Variants in RPGRIP1L observed in about 807,000 individuals in gnomAD.
RPGRIP1L encodes the protein RPGRIP1 like.
A neutral mutation model predicts 160.4 loss-of-function variants in RPGRIP1L; 131 were observed. That is an observed-to-expected ratio of 0.82 (90% CI 0.71 to 0.94). The LOEUF (loss-of-function observed/expected upper bound fraction) is 0.94, where lower values mean the gene tolerates loss of function less well. Ranked by LOEUF, RPGRIP1L falls within the 40% of genes least tolerant of loss-of-function variation. The pLI, the probability that RPGRIP1L is intolerant of heterozygous loss-of-function variation, is 0.00. For synonymous variants in RPGRIP1L, 510 were observed against 515.8 expected, an observed-to-expected ratio of 0.99 and a Z score of 0.15; for missense variants, 1,522 against 1,535.8, an observed-to-expected ratio of 0.99 and a Z score of 0.15.
At position 53,672,880 on chromosome 16, in the gene RPGRIP1L, C is replaced by T. The variant is rs1423601175; in HGVS notation, c.1019G>A (p.Arg340Lys). Residue 340 changes from arginine to lysine, a missense_variant, in exon 8 of 27, where the codon AGA becomes AAA. Coordinates refer to ENST00000647211, the MANE Select transcript of RPGRIP1L (RefSeq NM_015272.5). ...QLHSMKFSER[R>K]IEELQDRIND... is the part of the protein sequence containing the mutation. ...TCTTTGGGAGCTTACCTCTTCTATT[C>T]TTCTTTCAGAAAACTTCATAGAATG... 1 of 1,612,642 alleles carries T rather than the reference C, an allele frequency of 6.2e-7. No homozygotes were observed. The highest frequency in any genetic ancestry group is 2.2e-5 in the East Asian group (1 of 44,798).
Position 53,648,029 on chromosome 16 carries a change from G to A in RPGRIP1L, c.2304+935C>T, listed in dbSNP as rs542136203. Among the ~76,000 whole-genome samples the A allele has an allele frequency of 2.0e-3, 306 of 150,970 alleles. 2 individuals are homozygous for A. Among genetic ancestry groups the A allele is most frequent in the African/African-American group, 6.9e-3 (285 of 41,064 alleles). ...CTGAGGCAGGAGAATGCATGAACCC[G>A]GGAGGCGGAGCTTGCAGTGAGCAGA... On this transcript the variant is annotated intron_variant, in intron 16 of 26. Coordinates refer to ENST00000647211, the MANE Select transcript of RPGRIP1L (RefSeq NM_015272.5).
chr16:53,611,561 G>A (rs1263283209), intron 24 of RPGRIP1L, among the ~76,000 whole-genome samples: 1 of 152,236 alleles, frequency 6.6e-6, no homozygotes, highest in African/African-American at 2.4e-5. Context: ...CTGGGGAGGG[G>A]TATGGGAGAG....
At chr16:53,687,400 T>C (rs934484439) in intron 5 of RPGRIP1L, among the ~76,000 whole-genome samples, 1 of 152,124 alleles carries the variant, frequency 6.6e-6, no homozygotes, top group Non-Finnish European at 1.5e-5. Context: ...TGATGAAGAA[T>C]GCAGTGCCAT....
At chr16:53,603,674 A>ATGTGTGTGTGTGTGTGTGTGTG (rs3035223) in intron 26 of RPGRIP1L, among the ~76,000 whole-genome samples, 2 of 147,956 alleles carry the variant, frequency 1.4e-5, no homozygotes, top group East Asian at 2.0e-4. Flanking sequence ...TTGAACTTTA[A>ATGTGTGTGTGTGTGTGTGTGTG]TGTGTGTGTG....
chr16:53,632,733 C>T (rs1412357253), intron 22 of RPGRIP1L, among the ~76,000 whole-genome samples: 2 of 152,296 alleles, frequency 1.3e-5, no homozygotes, highest in African/African-American at 2.4e-5. Flanking sequence ...CCATGCACTA[C>T]GTTCTCTCAG....
intron 9 of RPGRIP1L, among the ~76,000 whole-genome samples, chr16:53,669,644 G>C (rs1025676548): frequency 2.0e-5 from 3 of 151,978 alleles, no homozygotes; most frequent in Admixed American, 6.6e-5. Context: ...TTTCAAACTG[G>C]GGAGAAGTAG....
At chr16:53,640,463 C>T (rs899185029) in intron 19 of RPGRIP1L, among the ~76,000 whole-genome samples, 10 of 152,062 alleles carry the variant, frequency 6.6e-5, no homozygotes, top group African/African-American at 1.9e-4. Flanking sequence ...ATTGAGAAGA[C>T]GTCTGAGGAT....
At chr16:53,682,247 G>C (rs1969664422) in intron 6 of RPGRIP1L, among the ~76,000 whole-genome samples, 1 of 151,886 alleles carries the variant, frequency 6.6e-6, no homozygotes, top group Non-Finnish European at 1.5e-5. Context: ...TATTTCTCTG[G>C]TCTCTGCAAT....
chr16:53,610,259 G>C (rs1027453000), intron 25 of RPGRIP1L, among the ~76,000 whole-genome samples: 3 of 151,736 alleles, frequency 2.0e-5, no homozygotes, highest in Admixed American at 2.0e-4. Context: ...TTATATACAT[G>C]TATTTTCTCT....
chr16:53,657,965 G>T (rs1326307105), intron 12 of RPGRIP1L, among the ~76,000 whole-genome samples: 6 of 152,008 alleles, frequency 3.9e-5, no homozygotes, highest in Middle Eastern at 6.3e-3. Flanking sequence ...TGATGTAAAA[G>T]AAGTGTTTTT....
chr16:53,611,102 C>T lies in RPGRIP1L; in HGVS notation c.3617-51G>A, dbSNP rs752104229. 1.4e-5 allele frequency: 17 copies of T among 1,188,576 alleles called. No homozygotes were observed. The East Asian group carries it at 4.0e-4, about 28-fold the overall frequency. 73.6% of individuals were successfully genotyped at this position (1,188,576 alleles called of 1,614,324 possible). On this transcript the variant is annotated intron_variant, in intron 24 of 26. Coordinates refer to ENST00000647211, the MANE Select transcript of RPGRIP1L (RefSeq NM_015272.5). The stretch of plus-strand genomic sequence containing the variant: ...AAAAAGGAAGTCACTCAGGAATAGG[C>T]TACATTAGTACCATTCTGTATTTTT...
At chr16:53,676,260 C>T (rs1379054886) in intron 6 of RPGRIP1L, among the ~76,000 whole-genome samples, 2 of 151,956 alleles carry the variant, frequency 1.3e-5, no homozygotes, top group Admixed American at 6.6e-5. Flanking sequence ...CCAAATTTTG[C>T]CCAGGGTACA....
rs543398256 is a variant in RPGRIP1L at position 53,670,594 on chromosome 16, T to C, written c.1103+916A>G. ...ATTAATTTCTAAAATACCATAATTA[T>C]GAAGTAGATTAAGAAACAAAATTGA... On this transcript the variant is annotated intron_variant, in intron 9 of 26. Coordinates refer to ENST00000647211, the MANE Select transcript of RPGRIP1L (RefSeq NM_015272.5). 3.2e-4 allele frequency among the ~76,000 whole-genome samples: 48 copies of C among 152,278 alleles called. 1 individual carries two copies. Among genetic ancestry groups the C allele is most frequent in the African/African-American group, 9.1e-4 (38 of 41,556 alleles).
chr16:53,691,098 A>G (rs1171381411), intron 4 of RPGRIP1L, among the ~76,000 whole-genome samples: 3 of 151,548 alleles, frequency 2.0e-5, no homozygotes, highest in Non-Finnish European at 4.4e-5. Context: ...TTCTGTTCAT[A>G]GTGGTTTTTC....
chr16:53,652,994 G>A lies in RPGRIP1L; in HGVS notation c.1700-7C>T, dbSNP rs1211017142. The stretch of plus-strand genomic sequence containing the variant: ...GCAATATCCTTTAATTGGGCTGCAA[G>A]AGAAGACACACAGTTTAGAGATTTC... On this transcript the variant is annotated splice_region_variant and splice_polypyrimidine_tract_variant and intron_variant, in intron 14 of 26. Transcript: ENST00000647211. 1.2e-6 allele frequency: 2 copies of A among 1,605,038 alleles called. No homozygotes were observed. Among genetic ancestry groups the A allele is most frequent in the Non-Finnish European group, 1.7e-6 (2 of 1,173,230 alleles).
At position 53,618,873 on chromosome 16, in the gene RPGRIP1L, T is replaced by A. The variant is rs1964539758; in HGVS notation, c.3616+152A>T. On this transcript the variant is annotated intron_variant, in intron 24 of 26. Coordinates refer to ENST00000647211, the MANE Select transcript of RPGRIP1L (RefSeq NM_015272.5). ...AACTTTATTTTCTTAATCTTTATGC[T>A]ACTGGTTTGACTTTTATTAATCAAT... 4.2e-6 allele frequency: 3 copies of A among 717,806 alleles called. No homozygotes were observed. The Admixed American group carries it at 7.8e-5, about 19-fold the overall frequency. The allele number at this position is 717,806 out of a possible 1,614,324, so 44.5% of individuals were successfully genotyped here.
chr16:53,702,413 T>C (rs1971500044), intron 1 of RPGRIP1L, among the ~76,000 whole-genome samples: 1 of 152,190 alleles, frequency 6.6e-6, no homozygotes, highest in Admixed American at 6.5e-5. Flanking sequence ...CAGCCCAAAA[T>C]GTTAATAATA....
At chr16:53,665,700 C>T (rs923245293) in intron 9 of RPGRIP1L, among the ~76,000 whole-genome samples, 2 of 152,100 alleles carry the variant, frequency 1.3e-5, no homozygotes, top group African/African-American at 2.4e-5. Flanking sequence ...TTAAAATTTG[C>T]TAATAATCAA....
chr16:53,687,410 T>A (rs570341310), intron 5 of RPGRIP1L, among the ~76,000 whole-genome samples: 8 of 152,144 alleles, frequency 5.3e-5, no homozygotes, highest in Non-Finnish European at 7.4e-5. Context: ...TGCAGTGCCA[T>A]AGAATCATAC....
Sources: gnomAD v4.1 joint callset for allele counts (sites outside exome capture counted in the v4.1 genomes callset) on GRCh38, gnomAD v4.1.1 for gene constraint, MANE v1.5 for transcripts, NCBI Gene and HGNC (gene_info 2026-07-23, HGNC 2026-07-21) for gene names.